Variants in SPOCK3 observed in about 807,000 individuals in gnomAD.
SPOCK3 encodes SPARC (osteonectin), cwcv and kazal like domains proteoglycan 3.
Under a neutral mutation model 56.6 loss-of-function variants are expected in SPOCK3, and 30 were observed. The observed-to-expected ratio is 0.53, with a 90% CI of 0.40 to 0.72. SPOCK3 has a LOEUF of 0.72. Ranked by LOEUF, SPOCK3 falls within the 30% of genes least tolerant of loss-of-function variation. SPOCK3 has a pLI of 0.00. For missense variants in SPOCK3, 527 were observed against 530.0 expected (o/e 0.99, Z 0.06); for synonymous variants, 196 against 183.3 (o/e 1.07, Z -0.56).
At chr4:166,915,018 G>A (rs1014966805) in intron 4 of SPOCK3, among the ~76,000 whole-genome samples, 1 of 151,874 alleles carries the variant, frequency 6.6e-6, no homozygotes. Flanking sequence ...TTTGATGCTG[G>A]TCAGGATTTG....
intron 7 of SPOCK3, 59 bp from the exon 8 acceptor site, chr4:166,754,788 C>T (rs1481432561): frequency 6.5e-7 from 1 of 1,528,372 alleles, no homozygotes; most frequent in Admixed American, 1.7e-5. Flanking sequence ...TAGCAGAAAG[C>T]AAAATAAGTC....
chr4:166,973,199 A>G (rs1745580507), intron 4 of SPOCK3, among the ~76,000 whole-genome samples: 1 of 151,988 alleles, frequency 6.6e-6, no homozygotes, highest in East Asian at 1.9e-4. Flanking sequence ...ACTCTCTCCC[A>G]CTGCCTTGGG....
chr4:167,034,821 G>A (rs1003372191), intron 3 of SPOCK3, among the ~76,000 whole-genome samples: 1 of 151,916 alleles, frequency 6.6e-6, no homozygotes, highest in Non-Finnish European at 1.5e-5. Context: ...TACTGTTCAG[G>A]GTGAAAACAA....
intron 4 of SPOCK3, among the ~76,000 whole-genome samples, chr4:166,959,800 T>TTA (rs1217469621): frequency 1.3e-5 from 2 of 152,260 alleles, no homozygotes; most frequent in East Asian, 3.9e-4. Context: ...TTGACTATTT[T>TTA]ATGTGCACCA....
intron 6 of SPOCK3, among the ~76,000 whole-genome samples, chr4:166,832,763 C>A (rs1746212066): frequency 1.3e-5 from 2 of 152,126 alleles, no homozygotes; most frequent in South Asian, 4.1e-4. Flanking sequence ...AGCGTAGATG[C>A]AGCTAGGGGC....
chr4:166,842,413 G>A (rs561961379), intron 6 of SPOCK3, among the ~76,000 whole-genome samples: 1 of 152,146 alleles, frequency 6.6e-6, no homozygotes, highest in African/African-American at 2.4e-5. Flanking sequence ...TAGACACAGA[G>A]TGCTGATTGG....
rs1328684327 is a variant in SPOCK3 at position 167,140,493 on chromosome 4, G to A, written c.190-77956C>T. Among the ~76,000 whole-genome samples, 5 of 151,934 alleles carry A rather than the reference G, an allele frequency of 3.3e-5. No individual in the cohort carries two copies. The East Asian group carries it at 9.7e-4, about 29-fold the overall frequency. ...TACTGTATAGTTATACTAGGTGACA[G>A]GGAACTTATCTGCCTGAAGAAAGTT... On this transcript the variant is annotated intron_variant, in intron 2 of 10. Transcript: ENST00000357545.
At chr4:166,794,555 A>ATT (rs1360075611) in intron 6 of SPOCK3, among the ~76,000 whole-genome samples, 1 of 151,862 alleles carries the variant, frequency 6.6e-6, no homozygotes, top group Non-Finnish European at 1.5e-5. Context: ...TCAACAAAAA[A>ATT]TTTTTAAAAT....
chr4:167,039,130 G>A (rs143469461), intron 3 of SPOCK3, among the ~76,000 whole-genome samples: 5 of 152,246 alleles, frequency 3.3e-5, no homozygotes, highest in Admixed American at 3.3e-4. Context: ...CTCAGCAATC[G>A]TTGGTGTTCC....
chr4:167,078,886 A>C (rs1757457107), intron 2 of SPOCK3, among the ~76,000 whole-genome samples: 1 of 151,918 alleles, frequency 6.6e-6, no homozygotes, highest in South Asian at 2.1e-4. Flanking sequence ...GCAAAAGCTA[A>C]AGTGCTCCCT....
At chr4:166,776,378 A>G (rs1052235361) in intron 7 of SPOCK3, among the ~76,000 whole-genome samples, 2 of 152,156 alleles carry the variant, frequency 1.3e-5, no homozygotes, top group African/African-American at 2.4e-5. Context: ...GCACCACTGC[A>G]CTCCAGTCTG....
chr4:167,176,511 A>G (rs564573759), intron 2 of SPOCK3, among the ~76,000 whole-genome samples: 4 of 152,124 alleles, frequency 2.6e-5, no homozygotes, highest in Non-Finnish European at 5.9e-5. Context: ...GCTCTAGTCT[A>G]AATCTTCCTA....
At chr4:167,108,975 AT>A (rs1177288087) in intron 2 of SPOCK3, among the ~76,000 whole-genome samples, 18 of 57,742 alleles carry the variant, frequency 3.1e-4, no homozygotes, top group South Asian at 1.5e-3. Flanking sequence ...AAATATATAA[AT>A]ATTATAAATA....
At chr4:166,998,605 C>A (rs1433635867) in intron 4 of SPOCK3, among the ~76,000 whole-genome samples, 1 of 152,112 alleles carries the variant, frequency 6.6e-6, no homozygotes, top group African/African-American at 2.4e-5. Flanking sequence ...GGTGTCAAAA[C>A]GAGTGTGTCT....
intron 3 of SPOCK3, among the ~76,000 whole-genome samples, chr4:167,057,628 G>A (rs1580153207): frequency 6.6e-6 from 1 of 151,050 alleles, no homozygotes; most frequent in African/African-American, 2.4e-5. Context: ...AAAGGCAGGG[G>A]TTGCAATCCT....
intron 5 of SPOCK3, among the ~76,000 whole-genome samples, chr4:166,892,862 T>C (rs1205413627): frequency 2.6e-5 from 4 of 152,024 alleles, no homozygotes; most frequent in Admixed American, 6.6e-5. Context: ...GATCATATTA[T>C]TGGAAAAAAA....
intron 2 of SPOCK3, among the ~76,000 whole-genome samples, chr4:167,204,341 G>A (rs181191847): frequency 6.6e-6 from 1 of 152,194 alleles, no homozygotes; most frequent in Admixed American, 6.6e-5. Flanking sequence ...AGCCGAGACT[G>A]AATAATTTAT....
chr4:167,029,680 CT>C (rs1752077127), intron 3 of SPOCK3, among the ~76,000 whole-genome samples: 1 of 151,966 alleles, frequency 6.6e-6, no homozygotes, highest in African/African-American at 2.4e-5. Context: ...GATAATCAGT[CT>C]TTTCTCTCTG....
At chr4:166,801,640 C>G (rs1299925291) in intron 6 of SPOCK3, among the ~76,000 whole-genome samples, 1 of 151,952 alleles carries the variant, frequency 6.6e-6, no homozygotes, top group Non-Finnish European at 1.5e-5. Flanking sequence ...ATATAGACAA[C>G]TCGTTTCTGT....
Sources: allele counts gnomAD v4.1 joint callset (sites outside exome capture counted in the v4.1 genomes callset), GRCh38; gene constraint gnomAD v4.1.1; transcripts MANE v1.5; gene names NCBI Gene and HGNC (gene_info 2026-07-23, HGNC 2026-07-21).